Variants in NSL1 observed in about 807,000 individuals in gnomAD.
The protein encoded by NSL1 is kinetochore-associated protein NSL1 homolog.
In NSL1, 11 loss-of-function variants were observed where a neutral mutation model predicts 25.4. The ratio of observed to expected loss-of-function variants is 0.43; its 90% CI spans 0.27 to 0.72. The LOEUF (loss-of-function observed/expected upper bound fraction) is 0.72. Ranked by LOEUF, NSL1 falls within the 30% of genes least tolerant of loss-of-function variation. NSL1 has a pLI of 0.19. For missense variants in NSL1, 330 were observed against 342.7 expected, an observed-to-expected ratio of 0.96 and a Z score of 0.29; for synonymous variants, 118 against 120.6, an observed-to-expected ratio of 0.98 and a Z score of 0.14.
In NSL1 at chr1:212,727,081, T is replaced by A; in HGVS notation, c.*11327A>T. 6.8e-7 allele frequency: 1 copy of A among 1,475,216 alleles called. No individual in the cohort carries two copies. The highest frequency in any genetic ancestry group is 9.0e-7 in the Non-Finnish European group (1 of 1,110,296). The allele number at this position is 1,475,216 out of a possible 1,614,324, so 91.4% of individuals were successfully genotyped here. A position where few individuals can be genotyped will look rare whatever the true frequency, so the allele number is the denominator to read the frequency against. On this transcript the variant is annotated 3_prime_UTR_variant, in exon 6 of 6. Coordinates refer to ENST00000366977, the MANE Select transcript of NSL1 (RefSeq NM_015471.4). The stretch of plus-strand genomic sequence containing the variant: ...GGCTCTGGGTCACCCAGCTTCATCC[T>A]CTTCATCTTGCCAGTTCACCAGAGG...
intron 4 of NSL1, among the ~76,000 whole-genome samples, chr1:212,763,265 A>G (rs1659655698): frequency 6.6e-6 from 1 of 152,202 alleles, no homozygotes; most frequent in African/African-American, 2.4e-5. Context: ...CTGAGGTCTC[A>G]AAGAAGTTCT....
intron 4 of NSL1, among the ~76,000 whole-genome samples, chr1:212,781,520 T>C (rs539038864): frequency 3.5e-4 from 50 of 142,056 alleles, no homozygotes; most frequent in Non-Finnish European, 5.7e-4. Flanking sequence ...AACTTCAGAG[T>C]AGCTTTATGC....
rs1357057751 is a variant in NSL1, at chr1:212,731,343, C to G, written c.*7065G>C. On this transcript the variant is annotated 3_prime_UTR_variant, in exon 6 of 6. Coordinates refer to ENST00000366977, the MANE Select transcript of NSL1 (RefSeq NM_015471.4). ...AGCTGAGGCAGGAGGATGGCTTGAG[C>G]CCAGGAATTCAAGACCAGCCGGGGC... is the stretch of plus-strand genomic sequence containing the variant. 4.1e-6 allele frequency: 4 copies of G among 981,124 alleles called. No individual in the cohort carries two copies. Among genetic ancestry groups the G allele is most frequent in the Non-Finnish European group, 4.8e-6 (4 of 826,308 alleles). The allele number at this position is 981,124 out of a possible 1,614,324, so 60.8% of individuals were successfully genotyped here.
Position 212,737,108 on chromosome 1 carries a change from C to T in NSL1, c.*1300G>A, listed in dbSNP as rs1469354771. ...CGCAGGGTGCTGACCCACCATCCAACTGAAGCTGAGCTCAGGAATGCCTAA... is the reference window on the plus strand; with the variant it reads ...CGCAGGGTGCTGACCCACCATCCAATTGAAGCTGAGCTCAGGAATGCCTAA... On this transcript the variant is annotated 3_prime_UTR_variant, in exon 6 of 6. Coordinates refer to ENST00000366977, the MANE Select transcript of NSL1 (RefSeq NM_015471.4). 2.0e-6 allele frequency: 2 copies of T among 985,326 alleles called. No individual in the cohort carries two copies. The highest frequency in any genetic ancestry group is 6.1e-5 in the Admixed American group (1 of 16,276). The allele number at this position is 985,326 out of a possible 1,614,324, so 61.0% of individuals were successfully genotyped here.
chr1:212,745,131 A>G (rs1427517020), intron 4 of NSL1, among the ~76,000 whole-genome samples: 1 of 144,870 alleles, frequency 6.9e-6, no homozygotes, highest in African/African-American at 2.6e-5. Flanking sequence ...GTGAGACTCC[A>G]TCTCAAAACA....
intron 4 of NSL1, among the ~76,000 whole-genome samples, chr1:212,755,349 G>C (rs1659254392): frequency 6.6e-6 from 1 of 151,900 alleles, no homozygotes; most frequent in African/African-American, 2.4e-5. Flanking sequence ...GGAGTCCTCA[G>C]ATAAAAGTAT....
intron 4 of NSL1, among the ~76,000 whole-genome samples, chr1:212,753,517 ATTTATT>A (rs976200109): frequency 5.3e-5 from 8 of 152,102 alleles, no homozygotes; most frequent in Admixed American, 2.0e-4. Context: ...GATGTCACTT[ATTTATT>A]TTTATATTTA....
intron 4 of NSL1, among the ~76,000 whole-genome samples, chr1:212,745,110 T>C (rs182343104): frequency 7.3e-6 from 1 of 136,494 alleles, no homozygotes; most frequent in African/African-American, 2.6e-5. Context: ...CACTCCAGCC[T>C]GGACAACAGA....
intron 4 of NSL1, among the ~76,000 whole-genome samples, chr1:212,772,080 C>A (rs1050341145): frequency 6.6e-6 from 1 of 152,094 alleles, no homozygotes; most frequent in Admixed American, 6.5e-5. Flanking sequence ...CTCTTGCCAC[C>A]GCCATTTAAG....
At chr1:212,763,341 T>A (rs1376870059) in intron 4 of NSL1, among the ~76,000 whole-genome samples, 2 of 151,900 alleles carry the variant, frequency 1.3e-5, no homozygotes, top group Non-Finnish European at 2.9e-5. Flanking sequence ...CCTGAAAGCA[T>A]AAATCTCACA....
At chr1:212,745,160 CTATATATATATATATATATATAT>C (rs1473517120) in intron 4 of NSL1, among the ~76,000 whole-genome samples, 6 of 117,688 alleles carry the variant, frequency 5.1e-5, no homozygotes, top group Admixed American at 9.5e-5. Flanking sequence ...AACAAACAAA[CTATATATATATATATATATATAT>C]ATATATATAT....
In NSL1 at chr1:212,730,772, T is replaced by C. The variant is rs569130671; in HGVS notation, c.*7636A>G. ...CGTAGTTCTAGTAGACAGGAGACTC[T>C]GGAGTCCTAATTCAGGTCAGTTTCC... On this transcript the variant is annotated 3_prime_UTR_variant, in exon 6 of 6. Transcript: ENST00000366977. 4 of 985,436 alleles carry C rather than the reference T, an allele frequency of 4.1e-6. No individual in the cohort carries two copies. The South Asian group carries it at 1.9e-4, about 46-fold the overall frequency. The allele number at this position is 985,436 out of a possible 1,614,324, so 61.0% of individuals were successfully genotyped here. A position where few individuals can be genotyped will look rare whatever the true frequency, so the allele number is the denominator to read the frequency against.
At chr1:212,779,419 G>A (rs565450656) in intron 4 of NSL1, among the ~76,000 whole-genome samples, 31 of 134,800 alleles carry the variant, frequency 2.3e-4, no homozygotes, top group African/African-American at 7.9e-4. Flanking sequence ...CGCCCCGTCC[G>A]GGAGGTGAGG....
At position 212,738,024 on chromosome 1, in the gene NSL1, CTT is replaced by C. The variant is rs34327678; in HGVS notation, c.*382_*383del. 64,172 of 803,712 alleles carry C rather than the reference CTT, an allele frequency of 0.08. 206 individuals are homozygous for C. Among genetic ancestry groups the C allele is most frequent in the Non-Finnish European group, 0.088 (58,723 of 665,498 alleles). 49.8% of individuals were successfully genotyped at this position (803,712 alleles called of 1,614,324 possible). A position where few individuals can be genotyped will look rare whatever the true frequency, so the allele number is the denominator to read the frequency against. ...GAAAAATCATTATACAGCTCTCTCTCTTTTTTTTTTTTTTCCTAGAAAGATGT... is the reference window on the plus strand; with the variant it reads ...GAAAAATCATTATACAGCTCTCTCTCTTTTTTTTTTTTCCTAGAAAGATGT... On this transcript the variant is annotated 3_prime_UTR_variant, in exon 6 of 6. Transcript: ENST00000366977.
chr1:212,753,250 C>T (rs1040601673), intron 4 of NSL1, among the ~76,000 whole-genome samples: 1 of 151,944 alleles, frequency 6.6e-6, no homozygotes, highest in Non-Finnish European at 1.5e-5. Context: ...TCCTGACCCT[C>T]GCTCGTTATT....
Position 212,728,768 on chromosome 1 carries a change from C to A in NSL1, c.*9640G>T. 1 of 985,380 alleles carries A rather than the reference C, an allele frequency of 1.0e-6. No homozygotes were observed. Among genetic ancestry groups the A allele is most frequent in the Non-Finnish European group, 1.2e-6 (1 of 829,924 alleles). 61.0% of individuals were successfully genotyped at this position (985,380 alleles called of 1,614,324 possible). ...CACCGTCCCCTTTGTTGCCACATCT[C>A]GCAGCTTCTCCCTTCTGTTTTTCCT... On this transcript the variant is annotated 3_prime_UTR_variant, in exon 6 of 6. Coordinates refer to ENST00000366977, the MANE Select transcript of NSL1 (RefSeq NM_015471.4).
At position 212,731,532 on chromosome 1, in the gene NSL1, T is replaced by C; in HGVS notation, c.*6876A>G. The C allele has an allele frequency of 1.0e-6, 1 of 985,280 alleles. No individual in the cohort carries two copies. Among genetic ancestry groups the C allele is most frequent in the Non-Finnish European group, 1.2e-6 (1 of 829,804 alleles). The allele number at this position is 985,280 out of a possible 1,614,324, so 61.0% of individuals were successfully genotyped here. A position where few individuals can be genotyped will look rare whatever the true frequency, so the allele number is the denominator to read the frequency against. Reference sequence around the variant, plus strand: ...TTAAACCAAATTTATTTTCCCTTAATTACTATATGCATTTAATTTTAAAAA... The same window carrying C: ...TTAAACCAAATTTATTTTCCCTTAACTACTATATGCATTTAATTTTAAAAA... On this transcript the variant is annotated 3_prime_UTR_variant, in exon 6 of 6. Transcript: ENST00000366977.
chr1:212,750,053 G>C (rs1369639626), intron 4 of NSL1, among the ~76,000 whole-genome samples: 1 of 151,086 alleles, frequency 6.6e-6, no homozygotes, highest in Non-Finnish European at 1.5e-5. Flanking sequence ...TGAGAACCCT[G>C]GCATTCTCAT....
chr1:212,746,740 A>G lies in NSL1; in HGVS notation c.500-7139T>C, dbSNP rs546117937. On this transcript the variant is annotated intron_variant, in intron 4 of 5. Coordinates refer to ENST00000366977, the MANE Select transcript of NSL1 (RefSeq NM_015471.4). ...CTTAGATGAGTTGCACAACTTTATGAATGTGCTGCCAGTGAATCATACACT... is the reference window on the plus strand; with the variant it reads ...CTTAGATGAGTTGCACAACTTTATGGATGTGCTGCCAGTGAATCATACACT... Among the ~76,000 whole-genome samples, 3 of 152,366 alleles carry G rather than the reference A, an allele frequency of 2.0e-5. 1 individual carries two copies. The highest frequency in any genetic ancestry group is 4.8e-5 in the African/African-American group (2 of 41,584).
Sources: gnomAD v4.1 joint callset for allele counts (sites outside exome capture counted in the v4.1 genomes callset) on GRCh38, gnomAD v4.1.1 for gene constraint, MANE v1.5 for transcripts, NCBI Gene and HGNC (gene_info 2026-07-23, HGNC 2026-07-21) for gene names.